Variants in ZNF385D observed in about 807,000 individuals in gnomAD.
ZNF385D encodes the protein zinc finger protein 659.
Under a neutral mutation model 35.8 loss-of-function variants are expected in ZNF385D, and 15 were observed. The observed-to-expected ratio is 0.42, with a 90% CI of 0.28 to 0.64. The LOEUF (loss-of-function observed/expected upper bound fraction) is 0.64, where lower values mean the gene tolerates loss of function less well. ZNF385D is among the 30% of genes least tolerant of loss of function. ZNF385D has a pLI of 0.23. For missense variants in ZNF385D, 474 were observed against 494.6 expected (o/e 0.96, Z 0.39); for synonymous variants, 212 against 186.8 (o/e 1.13, Z -1.10).
intron 3 of ZNF385D, among the ~76,000 whole-genome samples, chr3:21,811,513 T>G (rs2072921162): frequency 6.6e-6 from 1 of 152,108 alleles, no homozygotes; most frequent in Admixed American, 6.5e-5. Flanking sequence ...TGTTAAAATG[T>G]GAGAATTCAT....
chr3:22,298,885 A>G (rs1184538061), intron 2 of ZNF385D, among the ~76,000 whole-genome samples: 1 of 151,920 alleles, frequency 6.6e-6, no homozygotes, highest in Admixed American at 6.6e-5. Context: ...CACCAAATTC[A>G]TATAATGATG....
rs201520144 is a variant in ZNF385D at position 22,300,958 on chromosome 3, T to C, written c.106+71492A>G. On this transcript the variant is annotated intron_variant, in intron 2 of 5. Transcript: ENST00000494108. ...GGGTATATATCCAAAGGAATTGAAA[T>C]CAGTTTGTCAAAGAGACATCTGTAT... is the stretch of plus-strand genomic sequence containing the variant. Among the ~76,000 whole-genome samples the C allele has an allele frequency of 3.3e-5, 5 of 152,038 alleles. No individual in the cohort carries two copies. In the East Asian group the frequency reaches 5.8e-4, roughly 18 times the overall value.
At chr3:22,196,213 G>A (rs143606412) in intron 2 of ZNF385D, among the ~76,000 whole-genome samples, 367 of 152,108 alleles carry the variant, frequency 2.4e-3, no homozygotes, top group African/African-American at 8.2e-3. Context: ...TAATCGAATA[G>A]GTGGAAAACA....
chr3:21,731,464 G>A (rs1485983772), intron 1 of ZNF385D, among the ~76,000 whole-genome samples: 1 of 151,992 alleles, frequency 6.6e-6, no homozygotes, highest in Non-Finnish European at 1.5e-5. Flanking sequence ...CCACCACAGT[G>A]GTACATTTGT....
intron 2 of ZNF385D, among the ~76,000 whole-genome samples, chr3:22,177,321 A>G (rs532336333): frequency 1.3e-5 from 2 of 152,322 alleles, no homozygotes; most frequent in South Asian, 4.1e-4. Flanking sequence ...AAAACTTAAG[A>G]AAGGTTTGCC....
At chr3:21,724,877 T>C (rs2068695283) in intron 1 of ZNF385D, among the ~76,000 whole-genome samples, 1 of 152,156 alleles carries the variant, frequency 6.6e-6, no homozygotes, top group Admixed American at 6.5e-5. Context: ...CAACAGAATA[T>C]ACATTCTTCT....
intron 3 of ZNF385D, among the ~76,000 whole-genome samples, chr3:22,162,017 G>A (rs749277902): frequency 1.3e-5 from 2 of 152,140 alleles, no homozygotes; most frequent in Non-Finnish European, 2.9e-5. Flanking sequence ...GACTTTGTAA[G>A]ACTGTTGATT....
chr3:21,637,155 T>C (rs1197736650), intron 2 of ZNF385D, among the ~76,000 whole-genome samples: 1 of 152,100 alleles, frequency 6.6e-6, no homozygotes, highest in Non-Finnish European at 1.5e-5. Flanking sequence ...TTTGGGTTCT[T>C]GGTCATGAAG....
chr3:22,015,485 T>C lies in ZNF385D; in HGVS notation c.325+153332A>G, dbSNP rs910840985. Reference sequence around the variant, plus strand: ...TGGGCAGCCCCACAGCTCACTGTCATTCATTTCCAACATTCTGCTTCATCA... The same window carrying C: ...TGGGCAGCCCCACAGCTCACTGTCACTCATTTCCAACATTCTGCTTCATCA... On this transcript the variant is annotated intron_variant, in intron 3 of 5. Transcript: ENST00000494108. Among the ~76,000 whole-genome samples, 4 of 152,090 alleles carry C rather than the reference T, an allele frequency of 2.6e-5. No individual in the cohort carries two copies. The South Asian group carries it at 8.3e-4, about 31-fold the overall frequency.
intron 3 of ZNF385D, among the ~76,000 whole-genome samples, chr3:22,002,375 T>C (rs189732012): frequency 6.6e-6 from 1 of 152,204 alleles, no homozygotes; most frequent in African/African-American, 2.4e-5. Context: ...TCACACAACC[T>C]ACCACAACTG....
At chr3:21,800,648 G>A (rs942493184) in intron 3 of ZNF385D, among the ~76,000 whole-genome samples, 1 of 152,006 alleles carries the variant, frequency 6.6e-6, no homozygotes, top group Non-Finnish European at 1.5e-5. Context: ...TTATTTCCAA[G>A]TGTTTTTATT....
At chr3:21,823,147 GTTTA>G (rs1249531903) in intron 3 of ZNF385D, among the ~76,000 whole-genome samples, 1 of 152,036 alleles carries the variant, frequency 6.6e-6, no homozygotes, top group African/African-American at 2.4e-5. Context: ...GTACATATAT[GTTTA>G]TTGATATTAA....
intron 2 of ZNF385D, among the ~76,000 whole-genome samples, chr3:22,178,827 T>C (rs1231366560): frequency 6.6e-6 from 1 of 152,224 alleles, no homozygotes; most frequent in Non-Finnish European, 1.5e-5. Context: ...CCCAGCACCA[T>C]TTATTAAATA....
At chr3:21,964,398 G>C (rs1191142406) in intron 3 of ZNF385D, among the ~76,000 whole-genome samples, 1 of 106,642 alleles carries the variant, frequency 9.4e-6, no homozygotes, top group Non-Finnish European at 1.7e-5. Flanking sequence ...TGGCTCTACA[G>C]TTGGTCCTTT....
chr3:21,939,489 A>G (rs545605102), intron 3 of ZNF385D, among the ~76,000 whole-genome samples: 213 of 151,990 alleles, frequency 1.4e-3, no homozygotes, highest in Non-Finnish European at 2.3e-3. Context: ...AAAAAAAACC[A>G]TCCACCAATT....
rs146682876 is a variant in ZNF385D, at chr3:22,132,387, A to T, written c.325+36430T>A. Reference sequence around the variant, plus strand: ...CAGCCTTCAGAACTGAGATAAATACATTTCTGCTATTTAAAATCTACCCAG... The same window carrying T: ...CAGCCTTCAGAACTGAGATAAATACTTTTCTGCTATTTAAAATCTACCCAG... On this transcript the variant is annotated intron_variant, in intron 3 of 5. Transcript: ENST00000494108. Among the ~76,000 whole-genome samples, 1,053 of 152,276 alleles carry T rather than the reference A, an allele frequency of 6.9e-3. 4 individuals carry two copies. Among genetic ancestry groups the T allele is most frequent in the Middle Eastern group, 0.01 (3 of 294 alleles).
At chr3:21,479,238 C>T (rs56081869) in intron 4 of ZNF385D, among the ~76,000 whole-genome samples, 15,303 of 151,182 alleles carry the variant, frequency 0.1, 1,055 homozygotes, top group Non-Finnish European at 0.16. Flanking sequence ...CATATCTTTC[C>T]GTGTAATTTC....
At chr3:21,443,428 A>G in intron 4 of ZNF385D, 1 of 724,718 alleles carries the variant, frequency 1.4e-6, no homozygotes, top group South Asian at 6.2e-5. Context: ...GGTCTGTCTT[A>G]TAGAACCCAT....
intron 4 of ZNF385D, among the ~76,000 whole-genome samples, chr3:21,439,314 A>G (rs972906164): frequency 1.2e-4 from 18 of 151,430 alleles, no homozygotes; most frequent in Non-Finnish European, 2.7e-4. Context: ...AAAAAAAAAA[A>G]AAAAAGTTGG....
Sources: gnomAD v4.1 joint callset for allele counts (sites outside exome capture counted in the v4.1 genomes callset) on GRCh38, gnomAD v4.1.1 for gene constraint, MANE v1.5 for transcripts, NCBI Gene and HGNC (gene_info 2026-07-23, HGNC 2026-07-21) for gene names.